ANO6: variants seen among roughly 807,000 people sequenced by gnomAD.
The protein encoded by ANO6 is anoctamin 6.
ANO6 carries 106 observed loss-of-function variants against 117.5 expected under a neutral mutation model. That is an observed-to-expected ratio of 0.90 (90% CI 0.77 to 1.06). The LOEUF is 1.06. Ranked by LOEUF, ANO6 falls within the 50% of genes least tolerant of loss-of-function variation. The probability of loss-of-function intolerance (pLI) is 0.00; values close to 1 mark genes in which losing one functional copy is unlikely to be tolerated. For synonymous variants in ANO6, 367 were observed against 385.1 expected (o/e 0.95, Z 0.55); for missense variants, 955 against 1,121.1 (o/e 0.85, Z 2.12).
At chr12:45,417,245 G>A (rs1336395641) in intron 17 of ANO6, among the ~76,000 whole-genome samples, 1 of 152,022 alleles carries the variant, frequency 6.6e-6, no homozygotes, top group Non-Finnish European at 1.5e-5. Flanking sequence ...TATAATGTGG[G>A]TAGAAATCTG....
At chr12:45,236,967 C>A (rs1255741535) in intron 1 of ANO6, among the ~76,000 whole-genome samples, 1 of 152,194 alleles carries the variant, frequency 6.6e-6, no homozygotes, top group African/African-American at 2.4e-5. Flanking sequence ...ATTTGCATTT[C>A]TCTGATGACG....
At chr12:45,421,764 G>C (rs1330938289) in intron 18 of ANO6, among the ~76,000 whole-genome samples, 1 of 152,200 alleles carries the variant, frequency 6.6e-6, no homozygotes, top group Non-Finnish European at 1.5e-5. Flanking sequence ...TAAGAGATGT[G>C]AAATCTCAGC....
At chr12:45,411,249 G>A (rs1565761361) in intron 16 of ANO6, among the ~76,000 whole-genome samples, 1 of 152,166 alleles carries the variant, frequency 6.6e-6, no homozygotes, top group Non-Finnish European at 1.5e-5. Context: ...GACTTTTAGA[G>A]TTTCATAGGC....
intron 1 of ANO6, among the ~76,000 whole-genome samples, chr12:45,271,190 G>A (rs1938383905): frequency 6.6e-6 from 1 of 152,160 alleles, no homozygotes. Context: ...GACCTTACAT[G>A]TTACTCAAGC....
intron 1 of ANO6, among the ~76,000 whole-genome samples, chr12:45,217,561 A>G (rs1167998330): frequency 1.3e-5 from 2 of 152,224 alleles, no homozygotes; most frequent in Admixed American, 6.5e-5. Flanking sequence ...TCATTTAAGA[A>G]CAATTTACTA....
intron 2 of ANO6, among the ~76,000 whole-genome samples, chr12:45,317,133 T>TATATATATATAGATATATATATATATATA (rs34406866): frequency 1.4e-5 from 1 of 69,542 alleles, no homozygotes; most frequent in Non-Finnish European, 3.2e-5. Context: ...ATATATATAT[T>TATATATATATAGATATATATATATATATA]TATTATACTT....
Position 45,224,871 on chromosome 12 carries a change from A to G in ANO6, c.70+8480A>G, listed in dbSNP as rs142108068. Among the ~76,000 whole-genome samples the G allele has an allele frequency of 3.4e-3, 512 of 152,264 alleles. 3 individuals are homozygous for G. Among genetic ancestry groups the G allele is most frequent in the African/African-American group, 0.011 (464 of 41,552 alleles). ...GGGATTTTAATTCTGATATTCTTGA[A>G]GGGAGATTATAAAGGATTAAGAATA... On this transcript the variant is annotated intron_variant, in intron 1 of 19. Coordinates refer to ENST00000320560, the MANE Select transcript of ANO6 (RefSeq NM_001025356.3).
At chr12:45,366,115 GTT>G (rs5797942) in intron 8 of ANO6, among the ~76,000 whole-genome samples, 429 of 134,632 alleles carry the variant, frequency 3.2e-3, no homozygotes, top group South Asian at 0.011. Context: ...TGTTACTTGG[GTT>G]TTTTTTTTTT....
At chr12:45,338,617 C>T (rs917220713) in intron 3 of ANO6, among the ~76,000 whole-genome samples, 4 of 151,678 alleles carry the variant, frequency 2.6e-5, no homozygotes, top group Non-Finnish European at 5.9e-5. Context: ...TTATCTTTTC[C>T]CTTGCTTTAC....
intron 12 of ANO6, among the ~76,000 whole-genome samples, chr12:45,398,780 G>C (rs1942700609): frequency 6.6e-6 from 1 of 152,194 alleles, no homozygotes; most frequent in South Asian, 2.1e-4. Context: ...AATATGTAAA[G>C]TGGTTTTAAA....
intron 1 of ANO6, among the ~76,000 whole-genome samples, chr12:45,222,154 T>C (rs12301846): frequency 0.033 from 4,939 of 150,118 alleles, 240 homozygotes; most frequent in African/African-American, 0.11. Context: ...GTGCTGGAAT[T>C]ACAGGCATGA....
chr12:45,359,656 A>G (rs186255472), intron 8 of ANO6, among the ~76,000 whole-genome samples: 1 of 152,176 alleles, frequency 6.6e-6, no homozygotes, highest in African/African-American at 2.4e-5. Flanking sequence ...ATAATACTCC[A>G]TGTGTGTATA....
At chr12:45,276,748 A>G (rs952399207) in intron 1 of ANO6, among the ~76,000 whole-genome samples, 2 of 152,198 alleles carry the variant, frequency 1.3e-5, no homozygotes, top group Non-Finnish European at 2.9e-5. Context: ...TTCTGCATCT[A>G]GCACGTGCCT....
intron 2 of ANO6, 53 bp downstream of exon 2, chr12:45,302,146 C>T: frequency 6.5e-7 from 1 of 1,542,306 alleles, no homozygotes; most frequent in African/African-American, 1.4e-5. Flanking sequence ...AGAGATTTTT[C>T]ACAAAATGAG....
chr12:45,390,580 G>A (rs1942421280), intron 12 of ANO6, 82 bp downstream of exon 12: 2 of 1,229,298 alleles, frequency 1.6e-6, no homozygotes. Context: ...AATTTTAAAT[G>A]TTGAGGAAAC....
intron 1 of ANO6, among the ~76,000 whole-genome samples, chr12:45,231,909 G>C (rs1947579920): frequency 6.6e-6 from 1 of 152,042 alleles, no homozygotes; most frequent in Non-Finnish European, 1.5e-5. Flanking sequence ...CTAGTGGCCT[G>C]TTTTATACTT....
intron 1 of ANO6, among the ~76,000 whole-genome samples, chr12:45,239,465 A>G (rs1200063408): frequency 4.0e-5 from 6 of 150,642 alleles, no homozygotes; most frequent in Admixed American, 2.0e-4. Context: ...CGGTCTATCA[A>G]TTTTGTTGAT....
chr12:45,270,250 T>C (rs1938350883), intron 1 of ANO6, among the ~76,000 whole-genome samples: 1 of 152,218 alleles, frequency 6.6e-6, no homozygotes, highest in African/African-American at 2.4e-5. Context: ...CAGGTGATTT[T>C]GATGCACAGC....
intron 2 of ANO6, among the ~76,000 whole-genome samples, chr12:45,328,523 G>T (rs1208912773): frequency 1.3e-5 from 2 of 152,078 alleles, no homozygotes; most frequent in African/African-American, 2.4e-5. Context: ...TGACTCTGAT[G>T]CCTGAGCTCT....
Sources: allele counts gnomAD v4.1 joint callset (sites outside exome capture counted in the v4.1 genomes callset), GRCh38; gene constraint gnomAD v4.1.1; transcripts MANE v1.5; gene names NCBI Gene and HGNC (gene_info 2026-07-23, HGNC 2026-07-21).